ZC2HC1B: variants seen among roughly 807,000 people sequenced by gnomAD.
ZC2HC1B encodes zinc finger C2HC domain-containing protein 1B.
In ZC2HC1B, 36 loss-of-function variants were observed where a neutral mutation model predicts 31.0. The observed-to-expected ratio is 1.16, with a 90% CI of 0.89 to 1.54. The LOEUF (loss-of-function observed/expected upper bound fraction) is 1.54. Ranked by LOEUF, ZC2HC1B falls within the 40% of genes most tolerant of loss-of-function variation. ZC2HC1B has a pLI of 0.00. For synonymous variants in ZC2HC1B, 73 were observed against 88.0 expected, an observed-to-expected ratio of 0.83 and a Z score of 0.95; for missense variants, 260 against 268.6, an observed-to-expected ratio of 0.97 and a Z score of 0.22.
chr6:143,935,376 G>A (rs902041278), intron 6 of ZC2HC1B, among the ~76,000 whole-genome samples: 1 of 152,062 alleles, frequency 6.6e-6, no homozygotes, highest in Non-Finnish European at 1.5e-5. Context: ...AGCACAGGCT[G>A]TGATGGTCAG....
intron 6 of ZC2HC1B, among the ~76,000 whole-genome samples, chr6:143,916,356 G>A (rs1040123072): frequency 6.6e-6 from 1 of 152,216 alleles, no homozygotes; most frequent in Admixed American, 6.5e-5. Context: ...TGCTGCAGGG[G>A]TGGGGCCCTC....
At chr6:143,914,950 C>T (rs1562345908) in intron 6 of ZC2HC1B, among the ~76,000 whole-genome samples, 1 of 152,202 alleles carries the variant, frequency 6.6e-6, no homozygotes, top group East Asian at 1.9e-4. Flanking sequence ...TTCTGCCAAT[C>T]TCTGTCTATT....
chr6:143,928,328 G>A (rs1316396329), intron 6 of ZC2HC1B, among the ~76,000 whole-genome samples: 1 of 152,078 alleles, frequency 6.6e-6, no homozygotes, highest in Non-Finnish European at 1.5e-5. Context: ...TCTTTTGCAT[G>A]TGGCTATACA....
chr6:143,894,571 T>C (rs1158903450), intron 4 of ZC2HC1B, among the ~76,000 whole-genome samples: 1 of 152,206 alleles, frequency 6.6e-6, no homozygotes, highest in Non-Finnish European at 1.5e-5. Flanking sequence ...TGAACTTCTA[T>C]ACCAGAAAAT....
chr6:143,878,023 A>T (rs1268602242), intron 1 of ZC2HC1B, among the ~76,000 whole-genome samples: 1 of 150,814 alleles, frequency 6.6e-6, no homozygotes, highest in Non-Finnish European at 1.5e-5. Context: ...ACATGCATAC[A>T]TATATAGCTG....
In ZC2HC1B at chr6:143,905,760, A is replaced by G. The variant is rs1777786451; in HGVS notation, c.598+2608A>G. ...TCTTAGTTTGTTGAGTGTTTTTATC[A>G]TGAAAGGGTGTTGAATTTTCTCAAA... On this transcript the variant is annotated intron_variant, in intron 6 of 7. Transcript: ENST00000237275. The surrounding 1 kb of genome is among the most constrained non-coding windows in gnomAD (Gnocchi z 4.2). Among the ~76,000 whole-genome samples the G allele has an allele frequency of 6.6e-6, 1 of 152,104 alleles. No homozygotes were observed. The highest frequency in any genetic ancestry group is 1.5e-5 in the Non-Finnish European group (1 of 68,022).
chr6:143,903,122 G>A lies in ZC2HC1B; in HGVS notation c.568G>A (p.Val190Met), dbSNP rs891589121. Residue 190 changes from valine (V) to methionine (M), a missense_variant, in exon 6 of 8, where the codon GTG becomes ATG. Physicochemically the swap from Val to Met is conservative, Grantham distance 21. Coordinates refer to ENST00000237275, the MANE Select transcript of ZC2HC1B (RefSeq NM_001013623.3). The surrounding 1 kb of genome is among the most constrained non-coding windows in gnomAD (Gnocchi z 4.3). ...AGCTTTGCTGCAGAACAGGGTCCTGGTGGCCACGAATGAAGTCCCAACCAA... is the reference window on the plus strand; with the variant it reads ...AGCTTTGCTGCAGAACAGGGTCCTGATGGCCACGAATGAAGTCCCAACCAA... Reference protein sequence around the residue: ...VGALLQNRVLVATNEVPTKSG... With the variant: ...VGALLQNRVLMATNEVPTKSG... The A allele has an allele frequency of 2.6e-6, 4 of 1,552,008 alleles. No homozygotes were observed. The African/African-American group carries it at 5.5e-5, about 21-fold the overall frequency.
At chr6:143,927,002 G>T (rs1778060981) in intron 6 of ZC2HC1B, among the ~76,000 whole-genome samples, 1 of 139,372 alleles carries the variant, frequency 7.2e-6, no homozygotes, top group Admixed American at 7.2e-5. Context: ...GTTTCACCTT[G>T]TTAGCCAGGA....
rs1337282841 is a variant in ZC2HC1B, at chr6:143,918,410, T to C, written c.598+15258T>C. On this transcript the variant is annotated intron_variant, in intron 6 of 7. Transcript: ENST00000237275. This position sits in a 1 kb window ranked among gnomAD's most constrained non-coding sequence, Gnocchi z 4.1. ...GCCCACTGTGTTTCATCCTCCATGGTTTCTGATGAGAAGTCTGCTGATCTT... is the reference window on the plus strand; with the variant it reads ...GCCCACTGTGTTTCATCCTCCATGGCTTCTGATGAGAAGTCTGCTGATCTT... Among the ~76,000 whole-genome samples, 2 of 152,218 alleles carry C rather than the reference T, an allele frequency of 1.3e-5. No individual in the cohort carries two copies. The highest frequency in any genetic ancestry group is 2.4e-5 in the African/African-American group (1 of 41,460).
rs774028763 is a variant in ZC2HC1B at position 143,926,828 on chromosome 6, CTTTTTT to C, written c.599-10800_599-10795del. 9.2e-3 allele frequency among the ~76,000 whole-genome samples: 727 copies of C among 78,752 alleles called. 3 individuals are homozygous for C. Among genetic ancestry groups the C allele is most frequent in the Middle Eastern group, 0.016 (2 of 128 alleles). 51.7% of individuals were successfully genotyped at this position (78,752 alleles called of 152,430 possible). A position where few individuals can be genotyped will look rare whatever the true frequency, so the allele number is the denominator to read the frequency against. ...TCATATATATTTAGAATTGTATCTT[CTTTTTT>C]TTTTTTTTTTTTTTTTTTTTGAGAC... On this transcript the variant is annotated intron_variant, in intron 6 of 7. Coordinates refer to ENST00000237275, the MANE Select transcript of ZC2HC1B (RefSeq NM_001013623.3).
rs1206228973 is a variant in ZC2HC1B at position 143,883,603 on chromosome 6, A to T, written c.29-701A>T. On this transcript the variant is annotated intron_variant, in intron 1 of 7. Coordinates refer to ENST00000237275, the MANE Select transcript of ZC2HC1B (RefSeq NM_001013623.3). The surrounding 1 kb of genome is among the most constrained non-coding windows in gnomAD (Gnocchi z 4.1). ...TGCTTTTTAAATCTTTACATATTTG[A>T]CTCCTGATGAACCAAAAGGAAGTAA... Among the ~76,000 whole-genome samples the T allele has an allele frequency of 6.6e-6, 1 of 152,134 alleles. No individual in the cohort carries two copies. Among genetic ancestry groups the T allele is most frequent in the South Asian group, 2.1e-4 (1 of 4,832 alleles).
In ZC2HC1B at chr6:143,924,989, A is replaced by G. The variant is rs1488202474; in HGVS notation, c.599-12660A>G. 6.6e-6 allele frequency among the ~76,000 whole-genome samples: 1 copy of G among 152,064 alleles called. No individual in the cohort carries two copies. The highest frequency in any genetic ancestry group is 1.5e-5 in the Non-Finnish European group (1 of 68,004). On this transcript the variant is annotated intron_variant, in intron 6 of 7. Transcript: ENST00000237275. The surrounding 1 kb of genome is among the most constrained non-coding windows in gnomAD (Gnocchi z 5.2). ...CTTGTCTGGTTTTGGTATCAGGGTA[A>G]TACTGGCCTCACAGAATGAGTAAGG...
At chr6:143,879,795 T>TTG (rs1554237029) in intron 1 of ZC2HC1B, among the ~76,000 whole-genome samples, 18 of 151,322 alleles carry the variant, frequency 1.2e-4, no homozygotes, top group African/African-American at 4.4e-4. Flanking sequence ...GTTTTTGTTT[T>TTG]TTTTTTTTTC....
rs947648372 is a variant in ZC2HC1B at position 143,908,565 on chromosome 6, T to C, written c.598+5413T>C. Among the ~76,000 whole-genome samples, 2 of 152,210 alleles carry C rather than the reference T, an allele frequency of 1.3e-5. No individual in the cohort carries two copies. The highest frequency in any genetic ancestry group is 2.9e-5 in the Non-Finnish European group (2 of 68,038). ...TGTGAATGGAGGTTCACTCATGATTTGGCTCTCAGCTTGCCTGTTGTTTGT... is the reference window on the plus strand; with the variant it reads ...TGTGAATGGAGGTTCACTCATGATTCGGCTCTCAGCTTGCCTGTTGTTTGT... On this transcript the variant is annotated intron_variant, in intron 6 of 7. Coordinates refer to ENST00000237275, the MANE Select transcript of ZC2HC1B (RefSeq NM_001013623.3). The surrounding 1 kb of genome is among the most constrained non-coding windows in gnomAD (Gnocchi z 4.4).
At position 143,934,868 on chromosome 6, in the gene ZC2HC1B, G is replaced by C. The variant is rs976470753; in HGVS notation, c.599-2781G>C. Among the ~76,000 whole-genome samples, 20 of 152,162 alleles carry C rather than the reference G, an allele frequency of 1.3e-4. No individual in the cohort carries two copies. Among genetic ancestry groups the C allele is most frequent in the African/African-American group, 4.3e-4 (18 of 41,420 alleles). On this transcript the variant is annotated intron_variant, in intron 6 of 7. Coordinates refer to ENST00000237275, the MANE Select transcript of ZC2HC1B (RefSeq NM_001013623.3). The surrounding 1 kb of genome is among the most constrained non-coding windows in gnomAD (Gnocchi z 4.6). ...GAGCCTGCCTGTCCTTGGGACCCCAGGTAGCATACGTGGGCACTGGTGTTA... is the reference window on the plus strand; with the variant it reads ...GAGCCTGCCTGTCCTTGGGACCCCACGTAGCATACGTGGGCACTGGTGTTA...
At chr6:143,891,474 G>T (rs777810590) in intron 4 of ZC2HC1B, among the ~76,000 whole-genome samples, 1 of 152,092 alleles carries the variant, frequency 6.6e-6, no homozygotes, top group Non-Finnish European at 1.5e-5. Context: ...GCCGAGGCAG[G>T]TGGATCACTT....
chr6:143,916,933 G>C (rs1000019628), intron 6 of ZC2HC1B, among the ~76,000 whole-genome samples: 1 of 152,170 alleles, frequency 6.6e-6, no homozygotes. Context: ...TTAAGACTTT[G>C]GGGGACTGTT....
Position 143,868,117 on chromosome 6 carries a change from A to G in ZC2HC1B, c.28+3550A>G, listed in dbSNP as rs1777289284. Among the ~76,000 whole-genome samples, 1 of 152,146 alleles carries G rather than the reference A, an allele frequency of 6.6e-6. No individual in the cohort carries two copies. Among genetic ancestry groups the G allele is most frequent in the Admixed American group, 6.6e-5 (1 of 15,262 alleles). ...CCAATTTTGCTTTTTGGGAATCTGA[A>G]GCCATCCTGATTGCTGATCATTTGT... On this transcript the variant is annotated intron_variant, in intron 1 of 7. Transcript: ENST00000237275. The surrounding 1 kb of genome is among the most constrained non-coding windows in gnomAD (Gnocchi z 4.2).
rs930531521 is a variant in ZC2HC1B, at chr6:143,899,596, C to CA, written c.489+908dup. 1.4e-4 allele frequency among the ~76,000 whole-genome samples: 22 copies of CA among 152,302 alleles called. No individual in the cohort carries two copies. Among genetic ancestry groups the CA allele is most frequent in the African/African-American group, 5.1e-4 (21 of 41,554 alleles). On this transcript the variant is annotated intron_variant, in intron 5 of 7. Coordinates refer to ENST00000237275, the MANE Select transcript of ZC2HC1B (RefSeq NM_001013623.3). This position sits in a 1 kb window ranked among gnomAD's most constrained non-coding sequence, Gnocchi z 5.0. ...CTCACTGTGTTGCTCAGGCTGGTCT[C>CA]AAACTCCTGGGCCCAAGCAATCTGC...
Sources: allele counts gnomAD v4.1 joint callset (sites outside exome capture counted in the v4.1 genomes callset), GRCh38; gene constraint gnomAD v4.1.1; non-coding constraint Gnocchi (gnomAD v3.1); transcripts MANE v1.5; gene names NCBI Gene and HGNC (gene_info 2026-07-23, HGNC 2026-07-21).